Variants in EMID1 observed in about 807,000 individuals in gnomAD.
The protein encoded by EMID1 is EMI domain containing 1.
A neutral mutation model predicts 60.6 loss-of-function variants in EMID1; 40 were observed. That is an observed-to-expected ratio of 0.66 (90% CI 0.51 to 0.86). The LOEUF is 0.86. EMID1 is among the 40% of genes least tolerant of loss of function. The pLI, the probability that EMID1 is intolerant of heterozygous loss-of-function variation, is 0.00. For synonymous variants in EMID1, 242 were observed against 231.0 expected (o/e 1.05, Z -0.43); for missense variants, 585 against 597.1 (o/e 0.98, Z 0.21).
chr22:29,249,103 A>G (rs1234864739), intron 13 of EMID1, among the ~76,000 whole-genome samples: 2 of 152,232 alleles, frequency 1.3e-5, no homozygotes, highest in Non-Finnish European at 2.9e-5. Flanking sequence ...CCGTGAATGA[A>G]TATGGACATT....
intron 14 of EMID1, 35 bp downstream of exon 14, chr22:29,254,322 G>A (rs1358485449): frequency 1.3e-6 from 2 of 1,596,340 alleles, no homozygotes; most frequent in Non-Finnish European, 1.7e-6. Context: ...AGACGGCCCA[G>A]CCCCTGCCTG....
At chr22:29,214,797 C>T (rs1377732363) in intron 1 of EMID1, 129 bp from the exon 2 acceptor site, 4 of 595,882 alleles carry the variant, frequency 6.7e-6, no homozygotes, top group South Asian at 4.0e-5. Context: ...TTTGCAAGCT[C>T]AGGGCTTCTC....
intron 12 of EMID1, among the ~76,000 whole-genome samples, chr22:29,242,392 C>T (rs568107930): frequency 8.7e-4 from 132 of 152,280 alleles, no homozygotes; most frequent in African/African-American, 3.0e-3. Flanking sequence ...TTATATATCT[C>T]TCCTAAAATT....
chr22:29,254,703 A>G (rs909795), intron 14 of EMID1: 136,497 of 208,820 alleles, frequency 0.65, 46,414 homozygotes, highest in African/African-American at 0.85. Context: ...ACAGCTCAGG[A>G]CAACAGGAGG....
chr22:29,249,558 C>A (rs528940206), intron 13 of EMID1, among the ~76,000 whole-genome samples: 1 of 151,472 alleles, frequency 6.6e-6, no homozygotes, highest in African/African-American at 2.4e-5. Flanking sequence ...CAGGCGTGAG[C>A]CACTGCGCCT....
chr22:29,225,064 G>C, intron 3 of EMID1, 69 bp from the exon 4 acceptor site: 1 of 1,527,824 alleles, frequency 6.5e-7, no homozygotes, highest in Non-Finnish European at 9.0e-7. Context: ...TGGGGCTACA[G>C]TGGTGGGCAG....
intron 14 of EMID1, among the ~76,000 whole-genome samples, chr22:29,256,415 G>C (rs1482963116): frequency 7.0e-6 from 1 of 143,822 alleles, no homozygotes; most frequent in East Asian, 2.1e-4. Context: ...AGTGAGCCGA[G>C]ACCGCACCAC....
chr22:29,252,917 G>A (rs1357959905), intron 13 of EMID1, among the ~76,000 whole-genome samples: 1 of 152,230 alleles, frequency 6.6e-6, no homozygotes, highest in Non-Finnish European at 1.5e-5. Flanking sequence ...ACCTGGGGAA[G>A]GGACAGAGTG....
intron 3 of EMID1, among the ~76,000 whole-genome samples, chr22:29,216,980 C>G (rs1304862978): frequency 1.3e-5 from 2 of 152,156 alleles, no homozygotes; most frequent in African/African-American, 2.4e-5. Flanking sequence ...CCCTCTTGTC[C>G]CTGGTGGGAG....
intron 1 of EMID1, among the ~76,000 whole-genome samples, chr22:29,214,364 G>A (rs938151856): frequency 6.6e-6 from 1 of 152,146 alleles, no homozygotes; most frequent in Non-Finnish European, 1.5e-5. Context: ...GGTAGGAGGC[G>A]CCATGGGGAG....
intron 3 of EMID1, chr22:29,216,613 C>T (rs2040091956): frequency 1.0e-6 from 1 of 985,350 alleles, no homozygotes. Flanking sequence ...GAACATGGTG[C>T]TTCCAGAAGC....
chr22:29,230,469 C>T (rs950709264), intron 5 of EMID1, among the ~76,000 whole-genome samples: 1 of 152,254 alleles, frequency 6.6e-6, no homozygotes, highest in African/African-American at 2.4e-5. Context: ...AGCACCGCGA[C>T]AGTCACAAAG....
At chr22:29,255,423 G>T in intron 14 of EMID1, 2 of 1,244,838 alleles carry the variant, frequency 1.6e-6, no homozygotes, top group South Asian at 2.0e-5. Flanking sequence ...AAAGGCCTGG[G>T]CATGCAGAAG....
chr22:29,223,261 G>A (rs1308058876), intron 3 of EMID1, among the ~76,000 whole-genome samples: 3 of 152,150 alleles, frequency 2.0e-5, no homozygotes, highest in Non-Finnish European at 4.4e-5. Flanking sequence ...TTAATAACAC[G>A]CTAGAAGGTA....
chr22:29,211,950 C>T (rs1481194968), intron 1 of EMID1, among the ~76,000 whole-genome samples: 3 of 152,228 alleles, frequency 2.0e-5, no homozygotes, highest in African/African-American at 7.2e-5. Flanking sequence ...TGCCCCCACT[C>T]TCCATATTCA....
intron 8 of EMID1, 41 bp from the exon 9 acceptor site, chr22:29,233,338 C>A (rs368702362): frequency 6.2e-7 from 1 of 1,608,802 alleles, no homozygotes; most frequent in East Asian, 2.2e-5. Flanking sequence ...AACCACCCCA[C>A]TCTACCCAGC....
chr22:29,223,251 T>C (rs778212270), intron 3 of EMID1, among the ~76,000 whole-genome samples: 6 of 152,030 alleles, frequency 3.9e-5, no homozygotes, highest in Non-Finnish European at 7.4e-5. Context: ...ACTGGAGCAG[T>C]TAATAACACG....
At chr22:29,256,072 G>A (rs1262149763) in intron 14 of EMID1, among the ~76,000 whole-genome samples, 7 of 152,228 alleles carry the variant, frequency 4.6e-5, no homozygotes, top group South Asian at 4.1e-4. Flanking sequence ...TTGGCCACCC[G>A]AGGGGCTGAG....
In EMID1 at chr22:29,206,152, G is replaced by A. The variant is rs551105113; in HGVS notation, c.101+13G>A. ...TCTCCGGACGCAGGTAAGAGCTCCC[G>A]GCGCCTTTGCACCCCGCTGGCCGAG... On this transcript the variant is annotated intron_variant, in intron 1 of 14. Transcript: ENST00000334018. 1 of 1,229,280 alleles carries A rather than the reference G, an allele frequency of 8.1e-7. No individual in the cohort carries two copies. Among genetic ancestry groups the A allele is most frequent in the Non-Finnish European group, 1.0e-6 (1 of 985,966 alleles). The allele number at this position is 1,229,280 out of a possible 1,614,324, so 76.1% of individuals were successfully genotyped here.
Sources: gnomAD v4.1 joint callset for allele counts (sites outside exome capture counted in the v4.1 genomes callset) on GRCh38, gnomAD v4.1.1 for gene constraint, MANE v1.5 for transcripts, NCBI Gene and HGNC (gene_info 2026-07-23, HGNC 2026-07-21) for gene names.